ST6GAL1: variants seen among roughly 807,000 people sequenced by gnomAD.
ST6GAL1 encodes ST6 beta-galactoside alpha-2,6-sialyltransferase 1, also known as beta-galactoside alpha-2,6-sialyltransferase 1.
In ST6GAL1, 20 loss-of-function variants were observed where a neutral mutation model predicts 38.0. The observed-to-expected ratio is 0.53, with a 90% CI of 0.37 to 0.77. The LOEUF is 0.77. Ranked by LOEUF, ST6GAL1 falls within the 30% of genes least tolerant of loss-of-function variation. The probability of loss-of-function intolerance (pLI) is 0.00; values close to 1 mark genes in which losing one functional copy is unlikely to be tolerated. For synonymous variants in ST6GAL1, 196 were observed against 188.2 expected (o/e 1.04, Z -0.34); for missense variants, 432 against 496.4 (o/e 0.87, Z 1.23).
At chr3:186,934,316 T>G (rs938598760) in intron 1 of ST6GAL1, among the ~76,000 whole-genome samples, 12 of 151,056 alleles carry the variant, frequency 7.9e-5, no homozygotes, top group Non-Finnish European at 1.8e-4. Flanking sequence ...GAGGGAAGAG[T>G]TCGAATTCCT....
At chr3:187,070,623 C>T (rs1288732720) in intron 5 of ST6GAL1, among the ~76,000 whole-genome samples, 2 of 151,856 alleles carry the variant, frequency 1.3e-5, no homozygotes, top group Admixed American at 6.6e-5. Context: ...CGGGGTTTCA[C>T]CATGTTGGCC....
intron 2 of ST6GAL1, among the ~76,000 whole-genome samples, chr3:186,991,708 C>T (rs1716173899): frequency 6.6e-6 from 1 of 152,138 alleles, no homozygotes; most frequent in African/African-American, 2.4e-5. Flanking sequence ...GGCCTCATCC[C>T]ATACTGATCC....
chr3:186,994,513 T>TG (rs1339655022), intron 2 of ST6GAL1, among the ~76,000 whole-genome samples: 3 of 152,106 alleles, frequency 2.0e-5, no homozygotes, highest in Non-Finnish European at 4.4e-5. Flanking sequence ...TGATTCAAAG[T>TG]GGGGGGACTT....
At chr3:187,066,323 C>A (rs1377237553) in intron 5 of ST6GAL1, among the ~76,000 whole-genome samples, 1 of 152,102 alleles carries the variant, frequency 6.6e-6, no homozygotes, top group African/African-American at 2.4e-5. Flanking sequence ...CATGGCTTTT[C>A]CTCTGTGCGT....
chr3:186,999,950 G>A (rs914582820), intron 2 of ST6GAL1, among the ~76,000 whole-genome samples: 4 of 152,006 alleles, frequency 2.6e-5, no homozygotes, highest in South Asian at 2.1e-4. Flanking sequence ...GGATCCTCCT[G>A]TCTCAGCCTC....
chr3:186,942,206 A>T (rs1191646514), intron 1 of ST6GAL1: 1 of 152,182 alleles, frequency 6.6e-6, no homozygotes, highest in Non-Finnish European at 1.5e-5. Flanking sequence ...AGTAGTTTTC[A>T]CCTGCTCTGA....
intron 2 of ST6GAL1, among the ~76,000 whole-genome samples, chr3:187,014,157 G>A (rs930925002): frequency 6.6e-6 from 1 of 152,196 alleles, no homozygotes; most frequent in Non-Finnish European, 1.5e-5. Context: ...TGTGAAGTAG[G>A]TGCTTTTGCA....
chr3:186,981,576 C>T (rs184392918), intron 2 of ST6GAL1, among the ~76,000 whole-genome samples: 1 of 152,356 alleles, frequency 6.6e-6, no homozygotes, highest in East Asian at 1.9e-4. Context: ...TAAGGCACTT[C>T]ATTTTCCTCA....
At chr3:186,960,509 G>T (rs188217221) in intron 1 of ST6GAL1, among the ~76,000 whole-genome samples, 2 of 152,246 alleles carry the variant, frequency 1.3e-5, no homozygotes, top group Non-Finnish European at 2.9e-5. Flanking sequence ...CAGAACTTGT[G>T]GTGACAGATT....
Position 186,986,929 on chromosome 3 carries a change from T to C in ST6GAL1, c.-183+23003T>C, listed in dbSNP as rs146079853. Among the ~76,000 whole-genome samples the C allele has an allele frequency of 6.8e-4, 104 of 151,964 alleles. 2 individuals are homozygous for C. The highest frequency in any genetic ancestry group is 2.3e-3 in the African/African-American group (94 of 41,390). The stretch of plus-strand genomic sequence containing the variant: ...GGAGAAAAAGAAAAACAAGGAACCA[T>C]GACTTGCTAAACATACTCAGAACCA... On this transcript the variant is annotated intron_variant, in intron 2 of 7. Transcript: ENST00000169298.
intron 1 of ST6GAL1, among the ~76,000 whole-genome samples, chr3:186,944,804 T>G (rs13060992): frequency 0.94 from 143,821 of 152,234 alleles, 68,223 homozygotes; most frequent in Non-Finnish European, 0.98. Flanking sequence ...GCGGAGGCAC[T>G]CGTCGCTTTT....
At chr3:186,950,375 TG>T (rs1435805404) in intron 1 of ST6GAL1, among the ~76,000 whole-genome samples, 4 of 152,044 alleles carry the variant, frequency 2.6e-5, no homozygotes, top group African/African-American at 9.7e-5. Flanking sequence ...TGGTTTTACA[TG>T]GGCAGGAATC....
chr3:187,057,594 C>G (rs1228177952), intron 5 of ST6GAL1, among the ~76,000 whole-genome samples: 1 of 152,168 alleles, frequency 6.6e-6, no homozygotes, highest in Non-Finnish European at 1.5e-5. Context: ...ACTCCAGACC[C>G]TGTTTGCCTG....
chr3:186,948,235 G>A (rs921844319), intron 1 of ST6GAL1, among the ~76,000 whole-genome samples: 38 of 152,260 alleles, frequency 2.5e-4, no homozygotes, highest in Admixed American at 2.2e-3. Context: ...ACGCCGGCAG[G>A]CCCTGCCATG....
chr3:187,013,249 CA>C (rs1717013805), intron 2 of ST6GAL1, among the ~76,000 whole-genome samples: 2 of 152,150 alleles, frequency 1.3e-5, no homozygotes, highest in African/African-American at 4.8e-5. Flanking sequence ...CTTAAAATAA[CA>C]AACATTTCCT....
rs964613243 is a variant in ST6GAL1 at position 187,024,476 on chromosome 3, A to G, written c.-182-14266A>G. On this transcript the variant is annotated intron_variant, in intron 2 of 7. Coordinates refer to ENST00000169298, the MANE Select transcript of ST6GAL1 (RefSeq NM_173216.2). ...CACATATATACACATATATATGTGT[A>G]TATATATATATATATATAGAGAGAG... 3.8e-3 allele frequency among the ~76,000 whole-genome samples: 399 copies of G among 106,312 alleles called. 1 individual carries two copies. The highest frequency in any genetic ancestry group is 0.011 in the African/African-American group (308 of 27,348). 69.7% of individuals were successfully genotyped at this position (106,312 alleles called of 152,430 possible). A position where few individuals can be genotyped will look rare whatever the true frequency, so the allele number is the denominator to read the frequency against.
intron 3 of ST6GAL1, among the ~76,000 whole-genome samples, 165 bp downstream of exon 3, chr3:187,039,038 T>C (rs1477298091): frequency 6.6e-6 from 1 of 152,198 alleles, no homozygotes; most frequent in Admixed American, 6.5e-5. Context: ...GCTGATTCAA[T>C]GTGGGTTTCA....
intron 1 of ST6GAL1, among the ~76,000 whole-genome samples, chr3:186,954,924 G>A (rs1579267782): frequency 6.6e-6 from 1 of 152,254 alleles, no homozygotes; most frequent in Middle Eastern, 3.4e-3. Context: ...GTCCTGAATG[G>A]TATTGCCTAC....
chr3:187,060,001 T>A (rs1558753), intron 5 of ST6GAL1, among the ~76,000 whole-genome samples: 23,273 of 151,966 alleles, frequency 0.15, 3,482 homozygotes, highest in African/African-American at 0.39. Context: ...AAGGGTGGGA[T>A]AAGAGCTTTT....
Sources: allele counts gnomAD v4.1 joint callset (sites outside exome capture counted in the v4.1 genomes callset), GRCh38; gene constraint gnomAD v4.1.1; transcripts MANE v1.5; gene names NCBI Gene and HGNC (gene_info 2026-07-23, HGNC 2026-07-21).